Variants in CLSTN2 observed in about 807,000 individuals in gnomAD.
The protein encoded by CLSTN2 is calsyntenin-2.
Under a neutral mutation model 101.2 loss-of-function variants are expected in CLSTN2, and 48 were observed. That is an observed-to-expected ratio of 0.47 (90% confidence interval 0.38 to 0.60). The LOEUF is 0.60. Ranked by LOEUF, CLSTN2 falls within the 20% of genes least tolerant of loss-of-function variation. The pLI, the probability that CLSTN2 is intolerant of heterozygous loss-of-function variation, is 0.00. For missense variants in CLSTN2, 1,160 were observed against 1,238.2 expected (o/e 0.94, Z 0.95); for synonymous variants, 481 against 463.6 (o/e 1.04, Z -0.48).
At chr3:140,521,871 G>A (rs780790772) in intron 8 of CLSTN2, among the ~76,000 whole-genome samples, 4 of 152,156 alleles carry the variant, frequency 2.6e-5, no homozygotes, top group South Asian at 2.1e-4. Flanking sequence ...AGTGGGGCCC[G>A]CAGAATGACA....
chr3:140,489,316 T>C (rs939928750), intron 8 of CLSTN2, among the ~76,000 whole-genome samples: 6 of 152,184 alleles, frequency 3.9e-5, no homozygotes, highest in African/African-American at 1.4e-4. Context: ...AGTTCTGCAC[T>C]TGTTTTGTGT....
intron 2 of CLSTN2, among the ~76,000 whole-genome samples, chr3:140,364,642 C>T (rs2087765129): frequency 6.6e-6 from 1 of 152,130 alleles, no homozygotes; most frequent in African/African-American, 2.4e-5. Context: ...AGTCTAGTCC[C>T]TGGGGTCTGG....
intron 8 of CLSTN2, among the ~76,000 whole-genome samples, chr3:140,470,784 C>A (rs924123262): frequency 2.1e-4 from 32 of 152,166 alleles, no homozygotes; most frequent in African/African-American, 7.5e-4. Context: ...TCATGCGGGG[C>A]CATTGAATGG....
chr3:140,201,806 GTA>G (rs1422259992), intron 2 of CLSTN2, among the ~76,000 whole-genome samples: 1 of 151,552 alleles, frequency 6.6e-6, no homozygotes, highest in Non-Finnish European at 1.5e-5. Context: ...ACACACACAT[GTA>G]TATGTGTGTG....
rs79965217 is a variant in CLSTN2 at position 140,362,503 on chromosome 3, G to A, written c.233-41126G>A. Among the ~76,000 whole-genome samples the A allele has an allele frequency of 2.0e-4, 30 of 152,094 alleles. 1 individual carries two copies. The East Asian group carries it at 5.2e-3, about 26-fold the overall frequency. ...ACTTTTGTGCTTCAAAAGACATTAA[G>A]AGCATTAAGAATGTAAAAAGATAAA... On this transcript the variant is annotated intron_variant, in intron 2 of 16. Transcript: ENST00000458420.
chr3:140,459,579 TG>T lies in CLSTN2; in HGVS notation c.1033del (p.Ala345GlnfsTer10). The T allele has an allele frequency of 6.2e-7, 1 of 1,614,148 alleles. No individual in the cohort carries two copies. Among genetic ancestry groups the T allele is most frequent in the South Asian group, 1.1e-5 (1 of 91,080 alleles). ...PSPSAATNWTAGLLVDSSEMI... is the reference protein window; with the variant it reads ...PSPSAATNWTXGLLVDSSEMI... ...CCCCTAGCGCTGCCACCAACTGGAC[TG>T]CAGGACTGCTGGTGGACAGCAGTGA... On this transcript the variant is annotated frameshift_variant, in exon 7 of 17. Coordinates refer to ENST00000458420, the MANE Select transcript of CLSTN2 (RefSeq NM_022131.3). LOFTEE classifies it high-confidence loss of function.
intron 8 of CLSTN2, among the ~76,000 whole-genome samples, chr3:140,487,850 T>C (rs1934269757): frequency 6.6e-6 from 1 of 152,242 alleles, no homozygotes; most frequent in Non-Finnish European, 1.5e-5. Context: ...AATAAGGCTA[T>C]AGCTATTTGG....
intron 2 of CLSTN2, among the ~76,000 whole-genome samples, chr3:140,342,848 G>A (rs1378270296): frequency 2.0e-5 from 3 of 152,272 alleles, no homozygotes; most frequent in East Asian, 1.9e-4. Context: ...TGTGGTTTGG[G>A]CTTCCACAGA....
At chr3:140,373,555 T>C (rs541815338) in intron 2 of CLSTN2, among the ~76,000 whole-genome samples, 1 of 152,340 alleles carries the variant, frequency 6.6e-6, no homozygotes, top group Admixed American at 6.5e-5. Context: ...CTGTCCTCCC[T>C]TGATTCAGGC....
At chr3:140,381,285 G>C (rs900113893) in intron 2 of CLSTN2, among the ~76,000 whole-genome samples, 3 of 152,100 alleles carry the variant, frequency 2.0e-5, no homozygotes, top group South Asian at 2.1e-4. Context: ...TATTGGATTA[G>C]AGCCCACCCT....
intron 2 of CLSTN2, among the ~76,000 whole-genome samples, chr3:140,353,606 A>C (rs1014934160): frequency 6.6e-6 from 1 of 152,168 alleles, no homozygotes; most frequent in Admixed American, 6.5e-5. Context: ...CGCATCCTTC[A>C]ATCCAATCAA....
intron 12 of CLSTN2, among the ~76,000 whole-genome samples, chr3:140,560,581 C>T (rs975808831): frequency 0.011 from 1 of 90 alleles, no homozygotes; most frequent in Admixed American, 0.1. Flanking sequence ...TAAACCAGAC[C>T]AGGAGGACCC....
intron 2 of CLSTN2, among the ~76,000 whole-genome samples, chr3:140,213,245 G>T (rs553534041): frequency 1.3e-5 from 2 of 152,162 alleles, no homozygotes; most frequent in East Asian, 1.9e-4. Context: ...TGTGTGTGTT[G>T]TGTGTGTGTG....
In CLSTN2 at chr3:140,405,292, A is replaced by G. The variant is rs532108566; in HGVS notation, c.637+526A>G. Among the ~76,000 whole-genome samples, 32 of 152,102 alleles carry G rather than the reference A, an allele frequency of 2.1e-4. 1 individual carries two copies. Among genetic ancestry groups the G allele is most frequent in the African/African-American group, 7.2e-4 (30 of 41,504 alleles). On this transcript the variant is annotated intron_variant, in intron 4 of 16. Coordinates refer to ENST00000458420, the MANE Select transcript of CLSTN2 (RefSeq NM_022131.3). ...GCCCAAGCTAGAGTACAATGGCACA[A>G]TCTTCACTCACTGCAACCTCCACGT...
intron 4 of CLSTN2, among the ~76,000 whole-genome samples, chr3:140,408,328 A>T (rs1004824755): frequency 2.0e-5 from 3 of 152,176 alleles, no homozygotes; most frequent in African/African-American, 7.2e-5. Context: ...AGCTAGGGAG[A>T]TCAGCATGGC....
chr3:140,266,143 T>C (rs1013264646), intron 2 of CLSTN2, among the ~76,000 whole-genome samples: 12 of 152,174 alleles, frequency 7.9e-5, no homozygotes, highest in African/African-American at 2.9e-4. Flanking sequence ...GATCTCTCTC[T>C]GCACTCAGTA....
chr3:140,173,034 C>T (rs1370568468), intron 1 of CLSTN2, among the ~76,000 whole-genome samples: 2 of 152,156 alleles, frequency 1.3e-5, no homozygotes, highest in African/African-American at 4.8e-5. Flanking sequence ...AACAGTCCCC[C>T]AAAGTCTTAA....
chr3:140,311,287 C>CTTTT lies in CLSTN2; in HGVS notation c.233-92309_233-92306dup, dbSNP rs750088450. 3.5e-3 allele frequency among the ~76,000 whole-genome samples: 180 copies of CTTTT among 52,080 alleles called. 52 individuals are homozygous for CTTTT. Among genetic ancestry groups the CTTTT allele is most frequent in the African/African-American group, 0.013 (143 of 10,624 alleles). 34.2% of individuals were successfully genotyped at this position (52,080 alleles called of 152,430 possible). ...ATAATAACAGCTAAGGTTTATTATC[C>CTTTT]TTTTTTTTTTTTTTTTTTTTTTTTT... On this transcript the variant is annotated intron_variant, in intron 2 of 16. Coordinates refer to ENST00000458420, the MANE Select transcript of CLSTN2 (RefSeq NM_022131.3).
chr3:140,038,487 T>C (rs2007701568), intron 1 of CLSTN2, among the ~76,000 whole-genome samples: 1 of 152,192 alleles, frequency 6.6e-6, no homozygotes, highest in Non-Finnish European at 1.5e-5. Context: ...TTCCATTCTG[T>C]AGGTTGTCTG....
Sources: allele counts gnomAD v4.1 joint callset (sites outside exome capture counted in the v4.1 genomes callset), GRCh38; gene constraint gnomAD v4.1.1; transcripts MANE v1.5; gene names NCBI Gene and HGNC (gene_info 2026-07-23, HGNC 2026-07-21).